The following KCNIP4 variants were observed in gnomAD, a reference collection of about 807,000 sequenced individuals.
The protein encoded by KCNIP4 is potassium voltage-gated channel interacting protein 4, also known as Kv channel-interacting protein 4.
A neutral mutation model predicts 34.0 loss-of-function variants in KCNIP4; 12 were observed. The observed-to-expected ratio is 0.35, with a 90% CI of 0.23 to 0.57. KCNIP4 has a LOEUF of 0.57. Among genes scored for constraint, KCNIP4 ranks in the 20% least tolerant of loss-of-function variants. The pLI, the probability that KCNIP4 is intolerant of heterozygous loss-of-function variation, is 0.83. For synonymous variants in KCNIP4, 124 were observed against 102.2 expected (o/e 1.21, Z -1.29); for missense variants, 238 against 311.7 (o/e 0.76, Z 1.78).
chr4:20,833,803 A>G (rs1197718469), intron 3 of KCNIP4, among the ~76,000 whole-genome samples: 1 of 152,208 alleles, frequency 6.6e-6, no homozygotes, highest in African/African-American at 2.4e-5. Flanking sequence ...ACTGAATTTT[A>G]GACTCCGTGC....
At chr4:21,322,529 C>A (rs189574493) in intron 1 of KCNIP4, among the ~76,000 whole-genome samples, 1 of 152,176 alleles carries the variant, frequency 6.6e-6, no homozygotes, top group East Asian at 1.9e-4. Flanking sequence ...AAATACAACA[C>A]ATAATAATGC....
chr4:20,838,536 AG>A (rs1719337708), intron 3 of KCNIP4, among the ~76,000 whole-genome samples: 1 of 152,184 alleles, frequency 6.6e-6, no homozygotes, highest in South Asian at 2.1e-4. Context: ...CCTGTGACTA[AG>A]TTTGAGCCCT....
intron 1 of KCNIP4, among the ~76,000 whole-genome samples, chr4:21,127,236 C>A (rs1750696410): frequency 6.6e-6 from 1 of 152,176 alleles, no homozygotes; most frequent in Non-Finnish European, 1.5e-5. Flanking sequence ...CATCCCATTA[C>A]CAGAGGGAGT....
intron 1 of KCNIP4, among the ~76,000 whole-genome samples, chr4:21,130,456 G>T (rs1446838601): frequency 2.6e-5 from 4 of 152,088 alleles, no homozygotes; most frequent in South Asian, 2.1e-4. Flanking sequence ...CGTCATCATT[G>T]CATAATGTTG....
intron 1 of KCNIP4, among the ~76,000 whole-genome samples, chr4:21,704,807 G>C (rs985301475): frequency 1.3e-5 from 2 of 152,002 alleles, no homozygotes; most frequent in African/African-American, 4.8e-5. Context: ...ACAGTCTGGC[G>C]GTGTCTTAAA....
chr4:21,429,032 C>T (rs1304618061), intron 1 of KCNIP4, among the ~76,000 whole-genome samples: 1 of 152,160 alleles, frequency 6.6e-6, no homozygotes, highest in Non-Finnish European at 1.5e-5. Flanking sequence ...TGATACTCTA[C>T]ATTCTATAGG....
chr4:21,869,217 C>T (rs1367031472), intron 1 of KCNIP4, among the ~76,000 whole-genome samples: 1 of 152,082 alleles, frequency 6.6e-6, no homozygotes, highest in Non-Finnish European at 1.5e-5. Flanking sequence ...ATTTTCTCCT[C>T]CCAGCTAGAT....
chr4:21,714,804 ATT>A (rs1245014335), intron 1 of KCNIP4, among the ~76,000 whole-genome samples: 8 of 316 alleles, frequency 0.025, no homozygotes, highest in Admixed American at 0.062. Context: ...ATTTTATTTT[ATT>A]TTATTTTATT....
At chr4:20,937,052 A>T (rs1391733305) in intron 1 of KCNIP4, among the ~76,000 whole-genome samples, 1 of 151,840 alleles carries the variant, frequency 6.6e-6, no homozygotes, top group East Asian at 1.9e-4. Flanking sequence ...TTATGAAAGG[A>T]AAGAAGAGGG....
chr4:21,238,127 A>C (rs907141356), intron 1 of KCNIP4, among the ~76,000 whole-genome samples: 1 of 152,136 alleles, frequency 6.6e-6, no homozygotes, highest in Admixed American at 6.6e-5. Flanking sequence ...AAAGACAAAA[A>C]CCACATGATT....
intron 1 of KCNIP4, among the ~76,000 whole-genome samples, chr4:20,883,164 A>G (rs1046315818): frequency 6.6e-6 from 1 of 152,194 alleles, no homozygotes; most frequent in Non-Finnish European, 1.5e-5. Context: ...GCAGAGATAG[A>G]TGCTTCACAT....
At chr4:21,682,320 C>T (rs1037700865) in intron 1 of KCNIP4, among the ~76,000 whole-genome samples, 5 of 152,120 alleles carry the variant, frequency 3.3e-5, no homozygotes, top group Non-Finnish European at 7.4e-5. Flanking sequence ...CTCCCACCTC[C>T]AACACTGGGG....
At chr4:21,367,414 G>A (rs556887330) in intron 1 of KCNIP4, among the ~76,000 whole-genome samples, 1 of 152,038 alleles carries the variant, frequency 6.6e-6, no homozygotes, top group African/African-American at 2.4e-5. Context: ...CTATCTTAGT[G>A]TTATTTTCTT....
rs370952134 is a variant in KCNIP4 at position 21,823,508 on chromosome 4, T to TAA, written c.61+125061_61+125062dup. 1.0e-3 allele frequency among the ~76,000 whole-genome samples: 127 copies of TAA among 123,402 alleles called. 1 individual carries two copies. Among genetic ancestry groups the TAA allele is most frequent in the African/African-American group, 2.8e-3 (109 of 38,720 alleles). The allele number at this position is 123,402 out of a possible 152,430, so 81.0% of individuals were successfully genotyped here. ...TGTGCATGCCATTTTTGTTCTGTCTTAAAAAAAAAAACAAAAAAACTACAG... is the reference window on the plus strand; with the variant it reads ...TGTGCATGCCATTTTTGTTCTGTCTTAAAAAAAAAAAAACAAAAAAACTACAG... On this transcript the variant is annotated intron_variant, in intron 1 of 8. Coordinates refer to ENST00000382152, the MANE Select transcript of KCNIP4 (RefSeq NM_025221.6).
In KCNIP4 at chr4:21,775,679, G is replaced by A. The variant is rs186623931; in HGVS notation, c.61+172892C>T. ...TCTGGCTGGAGTTATTGGAGATCCT[G>A]CAGAGAAGCCTCACCCAATGAGGAA... On this transcript the variant is annotated intron_variant, in intron 1 of 8. Coordinates refer to ENST00000382152, the MANE Select transcript of KCNIP4 (RefSeq NM_025221.6). Among the ~76,000 whole-genome samples, 1,334 of 152,266 alleles carry A rather than the reference G, an allele frequency of 8.8e-3. 19 individuals are homozygous for A. The highest frequency in any genetic ancestry group is 0.039 in the South Asian group (187 of 4,824).
intron 3 of KCNIP4, among the ~76,000 whole-genome samples, chr4:20,804,614 C>T (rs1012797360): frequency 1.3e-5 from 2 of 152,074 alleles, no homozygotes; most frequent in African/African-American, 4.8e-5. Context: ...GTTTATTAAA[C>T]ATTTCTTGCC....
intron 1 of KCNIP4, among the ~76,000 whole-genome samples, chr4:21,267,937 C>T (rs921329974): frequency 3.3e-5 from 5 of 151,726 alleles, no homozygotes; most frequent in Non-Finnish European, 5.9e-5. Context: ...CCAGTTCCTC[C>T]TTGTACCTCT....
At chr4:21,109,108 G>C (rs1397571670) in intron 1 of KCNIP4, among the ~76,000 whole-genome samples, 4 of 152,040 alleles carry the variant, frequency 2.6e-5, no homozygotes, top group African/African-American at 9.7e-5. Context: ...TGCGTGCTGG[G>C]AGAACCACTG....
At chr4:20,819,308 C>T (rs2149443034) in intron 3 of KCNIP4, among the ~76,000 whole-genome samples, 1 of 152,258 alleles carries the variant, frequency 6.6e-6, no homozygotes, top group South Asian at 2.1e-4. Flanking sequence ...TACTCATTTT[C>T]CATTCAAATT....
Sources: gnomAD v4.1 joint callset for allele counts (sites outside exome capture counted in the v4.1 genomes callset) on GRCh38, gnomAD v4.1.1 for gene constraint, MANE v1.5 for transcripts, NCBI Gene and HGNC (gene_info 2026-07-23, HGNC 2026-07-21) for gene names.